Variants in ARRB1 observed in about 807,000 individuals in gnomAD.
ARRB1 encodes the protein arrestin beta 1, also known as beta-arrestin-1.
ARRB1 carries 21 observed loss-of-function variants against 56.8 expected under a neutral mutation model. That is an observed-to-expected ratio of 0.37 (90% CI 0.26 to 0.53). ARRB1 has a LOEUF of 0.53. Among genes scored for constraint, ARRB1 ranks in the 20% least tolerant of loss-of-function variants. The pLI is 0.88. For missense variants in ARRB1, 424 were observed against 553.7 expected (o/e 0.77, Z 2.35); for synonymous variants, 210 against 218.6 (o/e 0.96, Z 0.35).
chr11:75,277,764 G>A (rs555844206), intron 8 of ARRB1, among the ~76,000 whole-genome samples: 1 of 152,364 alleles, frequency 6.6e-6, no homozygotes, highest in African/African-American at 2.4e-5. Context: ...TTCCCTGGTG[G>A]GACCCTTGAA....
At chr11:75,292,325 AG>A (rs1946630198) in intron 1 of ARRB1, among the ~76,000 whole-genome samples, 1 of 152,006 alleles carries the variant, frequency 6.6e-6, no homozygotes, top group South Asian at 2.1e-4. Context: ...TTTTTAGTAG[AG>A]ATGGGGTTTC....
At chr11:75,274,544 C>G (rs1946149959) in intron 10 of ARRB1, 1 of 198,088 alleles carries the variant, frequency 5.0e-6, no homozygotes, top group African/African-American at 2.3e-5. Flanking sequence ...GTAATCCCAG[C>G]ATTTTGGGAG....
chr11:75,264,954 C>T lies in ARRB1; in HGVS notation c.*1209G>A, dbSNP rs971717368. 1.4e-4 allele frequency: 22 copies of T among 152,256 alleles called. No individual in the cohort carries two copies. Among genetic ancestry groups the T allele is most frequent in the African/African-American group, 5.1e-4 (21 of 41,456 alleles). 9.4% of individuals were successfully genotyped at this position (152,256 alleles called of 1,614,324 possible). ...CACCAGCTAATGCGTACTGGGTACCCATGACACTGGGAGCTATTGGAGGTC... is the reference window on the plus strand; with the variant it reads ...CACCAGCTAATGCGTACTGGGTACCTATGACACTGGGAGCTATTGGAGGTC... On this transcript the variant is annotated 3_prime_UTR_variant, in exon 16 of 16. Transcript: ENST00000420843.
chr11:75,271,936 C>G (rs1436525293), intron 12 of ARRB1, among the ~76,000 whole-genome samples: 1 of 151,974 alleles, frequency 6.6e-6, no homozygotes. Context: ...GGGATCCAGA[C>G]CCAGCTCAGC....
At chr11:75,282,401 T>C (rs1372755406) in intron 5 of ARRB1, among the ~76,000 whole-genome samples, 1 of 152,146 alleles carries the variant, frequency 6.6e-6, no homozygotes, top group Non-Finnish European at 1.5e-5. Context: ...TCCTGGATGA[T>C]TTTGGTGGGC....
rs1420736296 is a variant in ARRB1 at position 75,334,146 on chromosome 11, A to G, written c.20+17442T>C. ...GAAGTTCAAGACCAGCCTGACCAAC[A>G]TGGTGAAACCTCATCTATACTAAAA... is the stretch of plus-strand genomic sequence containing the variant. On this transcript the variant is annotated intron_variant, in intron 1 of 15. Transcript: ENST00000420843. 2.6e-5 allele frequency among the ~76,000 whole-genome samples: 4 copies of G among 152,248 alleles called. No individual in the cohort carries two copies. The South Asian group carries it at 8.3e-4, about 32-fold the overall frequency.
intron 2 of ARRB1, among the ~76,000 whole-genome samples, chr11:75,288,501 T>C (rs970449358): frequency 1.3e-5 from 2 of 151,982 alleles, no homozygotes; most frequent in Non-Finnish European, 2.9e-5. Flanking sequence ...AGTCCGTACC[T>C]CTCCATCCCC....
chr11:75,281,018 C>T, intron 7 of ARRB1, 57 bp downstream of exon 7: 2 of 1,551,018 alleles, frequency 1.3e-6, no homozygotes, highest in Non-Finnish European at 1.8e-6. Flanking sequence ...TGGACTTTGC[C>T]CATCCTGTCT....
intron 1 of ARRB1, among the ~76,000 whole-genome samples, chr11:75,343,748 G>T (rs186157929): frequency 6.6e-6 from 1 of 152,182 alleles, no homozygotes; most frequent in Non-Finnish European, 1.5e-5. Context: ...GGGCCTGCAG[G>T]TGCCCAGAGG....
intron 2 of ARRB1, among the ~76,000 whole-genome samples, chr11:75,288,723 C>T (rs1168934149): frequency 3.3e-5 from 5 of 151,820 alleles, no homozygotes; most frequent in African/African-American, 1.2e-4. Flanking sequence ...TAAAGTGATC[C>T]TCACACCTCA....
rs181873855 is a variant in ARRB1 at position 75,261,069 on chromosome 11, T to C, written c.*5094A>G. 3.3e-5 allele frequency: 5 copies of C among 152,120 alleles called. No homozygotes were observed. Among genetic ancestry groups the C allele is most frequent in the Non-Finnish European group, 7.3e-5 (5 of 68,030 alleles). 9.4% of individuals were successfully genotyped at this position (152,120 alleles called of 1,614,324 possible). A position where few individuals can be genotyped will look rare whatever the true frequency, so the allele number is the denominator to read the frequency against. Reference sequence around the variant, plus strand: ...TTGCTCCAGAGCTCCCCATGCTTCATGGGCCAATATCAGGGTCACGACCCA... The same window carrying C: ...TTGCTCCAGAGCTCCCCATGCTTCACGGGCCAATATCAGGGTCACGACCCA... On this transcript the variant is annotated 3_prime_UTR_variant, in exon 16 of 16. Coordinates refer to ENST00000420843, the MANE Select transcript of ARRB1 (RefSeq NM_004041.5).
At chr11:75,281,044 C>T in intron 7 of ARRB1, 31 bp downstream of exon 7, 3 of 1,585,784 alleles carry the variant, frequency 1.9e-6, no homozygotes, top group Non-Finnish European at 2.6e-6. Context: ...CCTCACCCAG[C>T]AGGCGGCCCA....
Position 75,281,139 on chromosome 11 carries a change from A to G in ARRB1, c.418T>C (p.Cys140Arg). Reference protein sequence around the residue: ...QPGPEDTGKACGVDYEVKAFC... With the variant: ...QPGPEDTGKARGVDYEVKAFC... ...GCTTTGACTTCATAGTCCACACCGC[A>G]AGCCTGTGGGGAAGGGGTCACTGAC... Residue 140 changes from cysteine to arginine, a missense_variant, in exon 7 of 16, where the codon TGC becomes CGC. By Grantham distance (180) the Cys-to-Arg change is radical (BLOSUM62 -3). Transcript: ENST00000420843. 6.3e-7 allele frequency: 1 copy of G among 1,595,980 alleles called. No individual in the cohort carries two copies. Among genetic ancestry groups the G allele is most frequent in the Non-Finnish European group, 8.5e-7 (1 of 1,170,514 alleles).
chr11:75,315,348 A>G (rs542645), intron 1 of ARRB1, among the ~76,000 whole-genome samples: 17,569 of 152,068 alleles, frequency 0.12, 1,649 homozygotes, highest in East Asian at 0.51. Context: ...CACATGGGCT[A>G]CATGGATTTG....
chr11:75,339,664 A>G (rs1947666005), intron 1 of ARRB1, among the ~76,000 whole-genome samples: 1 of 152,200 alleles, frequency 6.6e-6, no homozygotes, highest in Non-Finnish European at 1.5e-5. Context: ...TCCCTGCTAT[A>G]AACAGATGCC....
chr11:75,266,981 T>C (rs992180506), intron 15 of ARRB1, among the ~76,000 whole-genome samples: 1 of 152,152 alleles, frequency 6.6e-6, no homozygotes, highest in African/African-American at 2.4e-5. Context: ...CCATGAAACA[T>C]GTCCATTTAG....
intron 9 of ARRB1, 116 bp from the exon 10 acceptor site, chr11:75,277,027 T>A: frequency 1.0e-6 from 1 of 979,846 alleles, no homozygotes; most frequent in Non-Finnish European, 1.6e-6. Context: ...AGGCCACCAG[T>A]GGGGACTTCT....
intron 1 of ARRB1, among the ~76,000 whole-genome samples, chr11:75,340,071 G>GCCACT (rs1314233891): frequency 3.9e-5 from 6 of 152,238 alleles, no homozygotes; most frequent in Admixed American, 1.3e-4. Flanking sequence ...GACAGGCCCG[G>GCCACT]CCACTTCGGG....
chr11:75,319,557 C>T (rs962892000), intron 1 of ARRB1, among the ~76,000 whole-genome samples: 2 of 152,194 alleles, frequency 1.3e-5, no homozygotes, highest in African/African-American at 4.8e-5. Flanking sequence ...CCCTCAGCAC[C>T]TTGTCCGTCC....
Sources: gnomAD v4.1 joint callset for allele counts (sites outside exome capture counted in the v4.1 genomes callset) on GRCh38, gnomAD v4.1.1 for gene constraint, MANE v1.5 for transcripts, NCBI Gene and HGNC (gene_info 2026-07-23, HGNC 2026-07-21) for gene names.